CDH1: variants seen among roughly 807,000 people sequenced by gnomAD.
The protein encoded by CDH1 is cadherin 1, also known as cadherin-1.
Under a neutral mutation model 84.5 loss-of-function variants are expected in CDH1, and 35 were observed. The ratio of observed to expected loss-of-function variants is 0.41; its 90% CI spans 0.32 to 0.55. CDH1 has a LOEUF of 0.55. Among genes scored for constraint, CDH1 ranks in the 20% least tolerant of loss-of-function variants. CDH1 has a pLI of 0.19. For missense variants in CDH1, 994 were observed against 1,126.6 expected, an observed-to-expected ratio of 0.88 and a Z score of 1.68; for synonymous variants, 417 against 439.0, an observed-to-expected ratio of 0.95 and a Z score of 0.63.
At chr16:68,772,308 A>G (rs543821379) in intron 2 of CDH1, among the ~76,000 whole-genome samples, 2 of 152,196 alleles carry the variant, frequency 1.3e-5, no homozygotes, top group South Asian at 2.1e-4. Flanking sequence ...GGGCTCCATT[A>G]GAACTTGGAA....
In CDH1 at chr16:68,813,345, C is replaced by A. The variant is rs766505270; in HGVS notation, c.1170C>A (p.Asn390Lys). The change falls in exon 9 of 16, where the codon AAC (asparagine) becomes AAA (lysine). Residue 390 changes from asparagine to lysine, a missense_variant. Asn to Lys is a moderately conservative substitution (Grantham distance 94, BLOSUM62 0). Around this residue, in one of 3 missense-constraint regions of CDH1, gnomAD observed 769 missense variants for 881.8 expected, o/e 0.87. Coordinates refer to ENST00000261769, the MANE Select transcript of CDH1 (RefSeq NM_004360.5). ...YKGQVPENEANVVITTLKVTD... is the reference protein window; with the variant it reads ...YKGQVPENEAKVVITTLKVTD... Reference sequence around the variant, plus strand: ...GTCAGGTGCCTGAGAACGAGGCTAACGTCGTAATCACCACACTGAAAGTGA... The same window carrying A: ...GTCAGGTGCCTGAGAACGAGGCTAAAGTCGTAATCACCACACTGAAAGTGA... 1 of 1,614,166 alleles carries A rather than the reference C, an allele frequency of 6.2e-7. No individual in the cohort carries two copies. The highest frequency in any genetic ancestry group is 8.5e-7 in the Non-Finnish European group (1 of 1,180,036).
At chr16:68,779,565 T>G (rs941260755) in intron 2 of CDH1, among the ~76,000 whole-genome samples, 1 of 152,154 alleles carries the variant, frequency 6.6e-6, no homozygotes, top group Non-Finnish European at 1.5e-5. Context: ...GGTCAGTAAC[T>G]GAGGGGTTGG....
At chr16:68,803,905 G>T (rs768791636) in intron 3 of CDH1, among the ~76,000 whole-genome samples, 8 of 152,038 alleles carry the variant, frequency 5.3e-5, no homozygotes, top group Non-Finnish European at 8.8e-5. Context: ...GTCATCAAGA[G>T]CCCAGGTTCC....
intron 2 of CDH1, among the ~76,000 whole-genome samples, chr16:68,779,029 A>T (rs1959805410): frequency 6.6e-6 from 1 of 152,150 alleles, no homozygotes; most frequent in Non-Finnish European, 1.5e-5. Context: ...AGGTTTTGTC[A>T]GGGCCAAAAA....
intron 11 of CDH1, among the ~76,000 whole-genome samples, chr16:68,820,233 C>T (rs1162847315): frequency 6.6e-6 from 1 of 151,976 alleles, no homozygotes; most frequent in East Asian, 1.9e-4. Flanking sequence ...TAATTTTGGT[C>T]AAACAGAACT....
Position 68,815,610 on chromosome 16 carries a change from C to T in CDH1, c.1416C>T (p.Thr472=), listed in dbSNP as rs139937234. ...TCTCTCTCACCACCTCCACAGCCAC[C>T]GTCACCGTGGATGTGCTGGATGTGA... ...FEVSLTTSTA[T]VTVDVLDVNE... is the part of the protein sequence containing the mutation. The change falls in exon 10 of 16, where the codon ACC becomes ACT. Residue 472 remains threonine (T), a synonymous_variant. Coordinates refer to ENST00000261769, the MANE Select transcript of CDH1 (RefSeq NM_004360.5). 16 of 1,614,076 alleles carry T rather than the reference C, an allele frequency of 9.9e-6. No individual in the cohort carries two copies. In the African/African-American group the frequency reaches 1.2e-4, roughly 12 times the overall value.
rs1960954118 is a variant in CDH1, at chr16:68,815,409, C to T, written c.1321-106C>T. ...ATGGCAGAAACCACAGTTACTTTTG[C>T]ACCAACCTAATATATTACCAAAAGC... On this transcript the variant is annotated intron_variant, in intron 9 of 15. Coordinates refer to ENST00000261769, the MANE Select transcript of CDH1 (RefSeq NM_004360.5). 2.1e-6 allele frequency: 3 copies of T among 1,444,206 alleles called. No homozygotes were observed. The South Asian group carries it at 3.7e-5, about 18-fold the overall frequency. 89.5% of individuals were successfully genotyped at this position (1,444,206 alleles called of 1,614,324 possible).
At chr16:68,757,967 C>CTTTTTTTTT (rs58385798) in intron 2 of CDH1, among the ~76,000 whole-genome samples, 2 of 113,356 alleles carry the variant, frequency 1.8e-5, no homozygotes, top group Non-Finnish European at 1.8e-5. Context: ...CCAGGCTAAT[C>CTTTTTTTTT]TTTTTTTTTT....
rs373210692 is a variant in CDH1 at position 68,821,975 on chromosome 16, C to A, written c.1712-26C>A. On this transcript the variant is annotated intron_variant, in intron 11 of 15. Transcript: ENST00000261769. ...GGATTCATTACTGTTGCCAAGCTGC[C>A]ACATTTTCTGTGTATTTTCTCTTAG... The A allele has an allele frequency of 1.4e-5, 22 of 1,585,350 alleles. No individual in the cohort carries two copies. The African/African-American group carries it at 2.7e-4, about 19-fold the overall frequency.
intron 15 of CDH1, among the ~76,000 whole-genome samples, chr16:68,830,646 A>G (rs1038088767): frequency 1.3e-5 from 2 of 152,128 alleles, no homozygotes; most frequent in African/African-American, 4.8e-5. Flanking sequence ...CTGCTCCATC[A>G]TCTTAGCACG....
intron 15 of CDH1, among the ~76,000 whole-genome samples, chr16:68,830,578 T>C (rs1961458708): frequency 6.6e-6 from 1 of 152,116 alleles, no homozygotes; most frequent in Admixed American, 6.5e-5. Context: ...ATTTATCTTA[T>C]ACAAATAGAA....
At chr16:68,741,648 CA>C (rs1409627836) in intron 2 of CDH1, among the ~76,000 whole-genome samples, 2,512 of 90,990 alleles carry the variant, frequency 0.028, 41 homozygotes, top group Admixed American at 0.087. Flanking sequence ...AAGACCTTTA[CA>C]AAAAAAAAAA....
At chr16:68,819,803 A>T (rs1415540442) in intron 11 of CDH1, among the ~76,000 whole-genome samples, 2 of 152,178 alleles carry the variant, frequency 1.3e-5, no homozygotes. Context: ...ATTTCTCCTT[A>T]TATGTCTGAT....
At chr16:68,789,978 C>G (rs914619068) in intron 2 of CDH1, among the ~76,000 whole-genome samples, 1 of 152,196 alleles carries the variant, frequency 6.6e-6, no homozygotes, top group East Asian at 1.9e-4. Context: ...ATCACTTGAA[C>G]CCGGGAGGCA....
At chr16:68,806,467 G>T (rs1960665295) in intron 3 of CDH1, among the ~76,000 whole-genome samples, 1 of 152,008 alleles carries the variant, frequency 6.6e-6, no homozygotes, top group African/African-American at 2.4e-5. Context: ...CAGTGATGAT[G>T]GTCAGTTTTT....
intron 2 of CDH1, among the ~76,000 whole-genome samples, chr16:68,788,571 A>G (rs1344326827): frequency 2.6e-5 from 4 of 152,180 alleles, no homozygotes; most frequent in African/African-American, 9.7e-5. Flanking sequence ...CATCTATGCT[A>G]CTGCGTTTTG....
At chr16:68,768,560 T>C (rs1959454069) in intron 2 of CDH1, among the ~76,000 whole-genome samples, 1 of 152,092 alleles carries the variant, frequency 6.6e-6, no homozygotes, top group South Asian at 2.1e-4. Flanking sequence ...AAAATATAGA[T>C]AGCTAAAAGA....
chr16:68,817,997 G>T (rs985651084), intron 10 of CDH1, among the ~76,000 whole-genome samples: 33 of 152,204 alleles, frequency 2.2e-4, no homozygotes, highest in African/African-American at 7.2e-4. Context: ...CCAGTGCTTT[G>T]GGAGGCCGAG....
At chr16:68,780,995 T>C (rs1333021800) in intron 2 of CDH1, among the ~76,000 whole-genome samples, 1 of 152,124 alleles carries the variant, frequency 6.6e-6, no homozygotes, top group African/African-American at 2.4e-5. Flanking sequence ...TGGGCCAGAA[T>C]TGGGAAGATT....
Sources: gnomAD v4.1 joint callset for allele counts (sites outside exome capture counted in the v4.1 genomes callset) on GRCh38, gnomAD v4.1.1 for gene constraint, gnomAD v4.1.1 regional missense constraint, MANE v1.5 for transcripts, NCBI Gene and HGNC (gene_info 2026-07-23, HGNC 2026-07-21) for gene names.